The following GDAP1 variants were observed in gnomAD, a reference collection of about 807,000 sequenced individuals.
GDAP1 encodes ganglioside-induced differentiation-associated protein 1.
A neutral mutation model predicts 40.1 loss-of-function variants in GDAP1; 34 were observed. The ratio of observed to expected loss-of-function variants is 0.85; its 90% confidence interval spans 0.64 to 1.13. The LOEUF is 1.13. Among genes scored for constraint, GDAP1 ranks in the 50% most tolerant of loss-of-function variants. GDAP1 has a pLI of 0.00. For missense variants in GDAP1, 374 were observed against 433.7 expected (o/e 0.86, Z 1.22); for synonymous variants, 170 against 157.4 (o/e 1.08, Z -0.60).
chr8:74,362,960 A>G lies in GDAP1; in HGVS notation c.601A>G (p.Asn201Asp). 2 of 1,542,632 alleles carry G rather than the reference A, an allele frequency of 1.3e-6. No individual in the cohort carries two copies. The highest frequency in any genetic ancestry group is 1.7e-4 in the Middle Eastern group (1 of 5,882). Residue 201 changes from asparagine to aspartate, a missense_variant, in exon 5 of 6, where the codon AAT (asparagine) becomes GAT (aspartate). Transcript: ENST00000220822. ...TTAGTCAAAGCTGCTTGATCATGACAATGTCAAGTATTTGAAGAAAATTCT... is the reference window on the plus strand; with the variant it reads ...TTAGTCAAAGCTGCTTGATCATGACGATGTCAAGTATTTGAAGAAAATTCT... ...RLKSKLLDHD[N>D]VKYLKKILDE... is the part of the protein sequence containing the mutation.
At chr8:74,421,406 ACAAT>A (rs1162263022) in intron 2 of GDAP1, among the ~76,000 whole-genome samples, 1 of 152,134 alleles carries the variant, frequency 6.6e-6, no homozygotes, top group African/African-American at 2.4e-5. Flanking sequence ...TAAAAAGGAA[ACAAT>A]CAGAGAACTT....
chr8:74,434,029 C>G (rs769462616), intron 2 of GDAP1, among the ~76,000 whole-genome samples: 9 of 152,208 alleles, frequency 5.9e-5, no homozygotes, highest in Admixed American at 1.3e-4. Flanking sequence ...TAGGCTGGTA[C>G]TAATTTGTAC....
intron 2 of GDAP1, among the ~76,000 whole-genome samples, chr8:74,452,011 G>A (rs10957719): frequency 0.83 from 65,229 of 79,044 alleles, 32,151 homozygotes; most frequent in East Asian, 1. Flanking sequence ...GTGCAGTGGC[G>A]CGATCTCGGC....
chr8:74,373,341 C>G (rs1168685030), intron 2 of GDAP1, among the ~76,000 whole-genome samples: 1 of 152,160 alleles, frequency 6.6e-6, no homozygotes, highest in African/African-American at 2.4e-5. Context: ...TATAAATTAC[C>G]TTGGGCAGTG....
intron 2 of GDAP1, among the ~76,000 whole-genome samples, 155 bp from the exon 3 acceptor site, chr8:74,359,981 AC>A (rs544565124): frequency 0.017 from 33 of 2,000 alleles, 2 homozygotes; most frequent in South Asian, 0.12. Flanking sequence ...GCCATTTCAA[AC>A]TTTGAATGAA....
chr8:74,413,792 A>G (rs1805744794), intron 2 of GDAP1, among the ~76,000 whole-genome samples: 1 of 148,596 alleles, frequency 6.7e-6, no homozygotes, highest in Non-Finnish European at 1.5e-5. Flanking sequence ...GGAAGTACAT[A>G]ACAGAGCAGG....
At chr8:74,468,689 A>C (rs1586844229) in intron 2 of GDAP1, among the ~76,000 whole-genome samples, 1 of 152,148 alleles carries the variant, frequency 6.6e-6, no homozygotes. Context: ...TATTGTTTGT[A>C]ATAGTTTTCT....
At chr8:74,484,768 T>C (rs1483344908) in intron 2 of GDAP1, among the ~76,000 whole-genome samples, 1 of 152,090 alleles carries the variant, frequency 6.6e-6, no homozygotes, top group African/African-American at 2.4e-5. Flanking sequence ...GTGAGGCAAA[T>C]CTTATTTTTC....
At chr8:74,475,057 T>C (rs1284702828) in intron 2 of GDAP1, among the ~76,000 whole-genome samples, 2 of 152,172 alleles carry the variant, frequency 1.3e-5, no homozygotes, top group African/African-American at 2.4e-5. Context: ...TTTTGTAGTT[T>C]GTGTGCATAG....
At chr8:74,357,713 C>T (rs965592942) in intron 2 of GDAP1, among the ~76,000 whole-genome samples, 5 of 152,156 alleles carry the variant, frequency 3.3e-5, no homozygotes, top group Admixed American at 1.3e-4. Context: ...AATCCCACTC[C>T]CCAATGCTGG....
chr8:74,467,949 AT>A (rs1806494635), intron 2 of GDAP1, among the ~76,000 whole-genome samples: 1 of 151,982 alleles, frequency 6.6e-6, no homozygotes, highest in South Asian at 2.1e-4. Flanking sequence ...TTCTTAGAAC[AT>A]GATTTGAGAT....
Position 74,366,245 on chromosome 8 carries a change from G to T in GDAP1, c.*1878G>T, listed in dbSNP as rs16938896. ...ATATATTTCATGGATACTTGAGTTT[G>T]TGCTTTTAAGGTGTTTGTTTAGGGA... On this transcript the variant is annotated 3_prime_UTR_variant, in exon 6 of 6. Transcript: ENST00000220822. 93,382 of 454,016 alleles carry T rather than the reference G, an allele frequency of 0.21. 10,834 individuals carry two copies. Among genetic ancestry groups the T allele is most frequent in the Admixed American group, 0.37 (15,537 of 42,490 alleles). The allele number at this position is 454,016 out of a possible 1,614,324, so 28.1% of individuals were successfully genotyped here.
At chr8:74,470,733 T>G (rs1806541501) in intron 2 of GDAP1, among the ~76,000 whole-genome samples, 1 of 152,240 alleles carries the variant, frequency 6.6e-6, no homozygotes, top group African/African-American at 2.4e-5. Flanking sequence ...TGTGTCTTTA[T>G]AGCAGCATGA....
At chr8:74,367,472 C>G (rs555897290), downstream of GDAP1, among the ~76,000 whole-genome samples, 1 of 152,070 alleles carries the variant, frequency 6.6e-6, no homozygotes, top group East Asian at 1.9e-4. Flanking sequence ...GGCAACAATA[C>G]TGAATACTTA....
chr8:74,363,402 A>G (rs1320293604), intron 5 of GDAP1, among the ~76,000 whole-genome samples: 1 of 152,194 alleles, frequency 6.6e-6, no homozygotes. Context: ...ACAGCCTCCA[A>G]TCTAAAGTGT....
intron 2 of GDAP1, among the ~76,000 whole-genome samples, chr8:74,423,339 TAATAAATTATAAATTA>T (rs1405007660): frequency 1.4e-5 from 2 of 147,312 alleles, no homozygotes; most frequent in Non-Finnish European, 3.0e-5. Flanking sequence ...TATTATAGTA[TAATAAATTATAAATTA>T]AATAATACAA....
intron 2 of GDAP1, among the ~76,000 whole-genome samples, chr8:74,472,107 A>G (rs911135373): frequency 6.6e-5 from 10 of 152,232 alleles, no homozygotes; most frequent in Admixed American, 2.0e-4. Context: ...CCACTCTCCG[A>G]TAGTCCTCAG....
At chr8:74,393,079 G>T (rs10109451) in intron 2 of GDAP1, among the ~76,000 whole-genome samples, 55,152 of 151,984 alleles carry the variant, frequency 0.36, 10,432 homozygotes, top group Middle Eastern at 0.46. Context: ...CATTTACAAG[G>T]AACAGGTTTC....
intron 2 of GDAP1, among the ~76,000 whole-genome samples, chr8:74,400,973 G>T (rs2131548762): frequency 6.7e-6 from 1 of 149,860 alleles, no homozygotes; most frequent in East Asian, 1.9e-4. Context: ...TTTCTCTCTT[G>T]CTGCCCTTAA....
Sources: allele counts gnomAD v4.1 joint callset (sites outside exome capture counted in the v4.1 genomes callset), GRCh38; gene constraint gnomAD v4.1.1; transcripts MANE v1.5; gene names NCBI Gene and HGNC (gene_info 2026-07-23, HGNC 2026-07-21).